The following ZFPM2 variants were observed in gnomAD, a reference collection of about 807,000 sequenced individuals.
The protein encoded by ZFPM2 is zinc finger protein ZFPM2.
ZFPM2 carries 20 observed loss-of-function variants against 98.6 expected under a neutral mutation model. The ratio of observed to expected loss-of-function variants is 0.20; its 90% CI spans 0.14 to 0.29. ZFPM2 has a LOEUF of 0.29. ZFPM2 is among the 10% of genes least tolerant of loss of function. The pLI, the probability that ZFPM2 is intolerant of heterozygous loss-of-function variation, is 1.00. For missense variants in ZFPM2, 1,310 were observed against 1,388.6 expected, an observed-to-expected ratio of 0.94 and a Z score of 0.90; for synonymous variants, 518 against 502.7, an observed-to-expected ratio of 1.03 and a Z score of -0.41.
At chr8:105,496,664 GTTTTTTTGGT>G (rs943074642) in intron 3 of ZFPM2, among the ~76,000 whole-genome samples, 2 of 122,336 alleles carry the variant, frequency 1.6e-5, no homozygotes, top group Admixed American at 9.0e-5. Flanking sequence ...TCTTTTTTTT[GTTTTTTTGGT>G]TTTTTTTTTT....
chr8:105,327,860 T>A (rs184762117), intron 1 of ZFPM2, among the ~76,000 whole-genome samples: 15 of 151,910 alleles, frequency 9.9e-5, no homozygotes, highest in African/African-American at 3.6e-4. Context: ...GGCCTTTTTT[T>A]CATTTTCTAG....
chr8:105,514,628 A>G (rs1249694647), intron 3 of ZFPM2, among the ~76,000 whole-genome samples: 12 of 151,704 alleles, frequency 7.9e-5, no homozygotes, highest in South Asian at 2.1e-4. Context: ...CCTGAAGCAC[A>G]CTCTTCTCTC....
At chr8:105,389,550 A>G (rs1329751749) in intron 1 of ZFPM2, among the ~76,000 whole-genome samples, 1 of 152,178 alleles carries the variant, frequency 6.6e-6, no homozygotes, top group African/African-American at 2.4e-5. Flanking sequence ...ACATTCTACT[A>G]CATTGTTATT....
intron 5 of ZFPM2, among the ~76,000 whole-genome samples, chr8:105,758,765 G>C (rs1350383470): frequency 3.3e-5 from 5 of 152,002 alleles, no homozygotes; most frequent in Non-Finnish European, 7.4e-5. Flanking sequence ...TAGAAAGCTA[G>C]GGCCCTGTTA....
chr8:105,478,659 C>A (rs1026616390), intron 3 of ZFPM2, among the ~76,000 whole-genome samples: 9 of 152,140 alleles, frequency 5.9e-5, no homozygotes, highest in South Asian at 2.1e-4. Context: ...CTGGGAAGTA[C>A]CTTAGAGACA....
intron 1 of ZFPM2, among the ~76,000 whole-genome samples, chr8:105,331,182 C>G (rs1812226932): frequency 6.6e-6 from 1 of 150,538 alleles, no homozygotes; most frequent in South Asian, 2.1e-4. Flanking sequence ...CACACACACA[C>G]ACACACATAT....
At chr8:105,689,361 AC>A (rs1437164607) in intron 5 of ZFPM2, among the ~76,000 whole-genome samples, 2 of 152,194 alleles carry the variant, frequency 1.3e-5, no homozygotes, top group East Asian at 3.8e-4. Flanking sequence ...TCTTTCACAG[AC>A]ATATTATGTT....
intron 5 of ZFPM2, among the ~76,000 whole-genome samples, chr8:105,735,359 A>G (rs1323642667): frequency 5.9e-5 from 9 of 151,662 alleles, no homozygotes. Context: ...ACATTGTATT[A>G]TACAATTGAT....
intron 5 of ZFPM2, among the ~76,000 whole-genome samples, chr8:105,718,174 T>A (rs538141777): frequency 6.6e-6 from 1 of 152,102 alleles, no homozygotes; most frequent in African/African-American, 2.4e-5. Context: ...TGAATCAATG[T>A]CTTGGTCCCT....
chr8:105,782,240 T>A (rs1332774932), intron 5 of ZFPM2: 1 of 152,240 alleles, frequency 6.6e-6, no homozygotes, highest in East Asian at 1.9e-4. Context: ...CACATGATGA[T>A]GGAAGCATAA....
At chr8:105,468,441 C>T (rs1812835387) in intron 3 of ZFPM2, among the ~76,000 whole-genome samples, 1 of 152,236 alleles carries the variant, frequency 6.6e-6, no homozygotes, top group South Asian at 2.1e-4. Context: ...TAGACACTCC[C>T]TTCTCTATGT....
chr8:105,359,369 T>TC (rs1812812419), intron 1 of ZFPM2, among the ~76,000 whole-genome samples: 1 of 145,154 alleles, frequency 6.9e-6, no homozygotes, highest in South Asian at 2.2e-4. Context: ...TTTTCTTTCT[T>TC]TTTTTTTTTT....
intron 4 of ZFPM2, among the ~76,000 whole-genome samples, chr8:105,588,436 C>T (rs1351963144): frequency 2.0e-5 from 3 of 151,952 alleles, no homozygotes; most frequent in Non-Finnish European, 4.4e-5. Context: ...ATCGAAACCA[C>T]ATTTTATATA....
chr8:105,627,844 C>A (rs1289326818), intron 4 of ZFPM2, among the ~76,000 whole-genome samples: 1 of 152,152 alleles, frequency 6.6e-6, no homozygotes, highest in Non-Finnish European at 1.5e-5. Context: ...GTGGCCAGAT[C>A]CAACTTTAAA....
intron 1 of ZFPM2, among the ~76,000 whole-genome samples, chr8:105,412,371 C>T (rs1811593670): frequency 6.6e-6 from 1 of 151,600 alleles, no homozygotes; most frequent in African/African-American, 2.4e-5. Context: ...CTTCAACTTT[C>T]TTGATTGAAG....
intron 4 of ZFPM2, among the ~76,000 whole-genome samples, chr8:105,587,141 G>T (rs1815738324): frequency 6.6e-6 from 1 of 151,624 alleles, no homozygotes; most frequent in Admixed American, 6.6e-5. Flanking sequence ...ACCGGGCGTG[G>T]TGGCGGGCAC....
chr8:105,489,502 T>C (rs1813315996), intron 3 of ZFPM2, among the ~76,000 whole-genome samples: 1 of 147,650 alleles, frequency 6.8e-6, no homozygotes, highest in Admixed American at 6.8e-5. Context: ...CTCACTTTGT[T>C]GCCCAGGCTA....
At chr8:105,478,881 G>A (rs930911023) in intron 3 of ZFPM2, among the ~76,000 whole-genome samples, 2 of 152,136 alleles carry the variant, frequency 1.3e-5, no homozygotes, top group African/African-American at 4.8e-5. Context: ...TGAGGATTTC[G>A]TGGAATGCTA....
intron 3 of ZFPM2, among the ~76,000 whole-genome samples, chr8:105,480,844 A>G (rs372679970): frequency 1.1e-3 from 169 of 149,716 alleles, no homozygotes; most frequent in African/African-American, 3.9e-3. Context: ...TCCACCTCCC[A>G]GGTTCACACC....
Sources: allele counts gnomAD v4.1 joint callset (sites outside exome capture counted in the v4.1 genomes callset), GRCh38; gene constraint gnomAD v4.1.1; transcripts MANE v1.5; gene names NCBI Gene and HGNC (gene_info 2026-07-23, HGNC 2026-07-21).